The following ZBED6 variants were observed in gnomAD, a reference collection of about 807,000 sequenced individuals.
ZBED6 encodes the protein zinc finger BED domain-containing protein 6.
ZBED6 carries 40 observed loss-of-function variants against 58.4 expected under a neutral mutation model. The observed-to-expected ratio is 0.68, with a 90% CI of 0.53 to 0.89. ZBED6 has a LOEUF of 0.89. Ranked by LOEUF, ZBED6 falls within the 40% of genes least tolerant of loss-of-function variation. The pLI is 0.00. For missense variants in ZBED6, 1,057 were observed against 1,003.9 expected, an observed-to-expected ratio of 1.05 and a Z score of -0.71; for synonymous variants, 439 against 350.6, an observed-to-expected ratio of 1.25 and a Z score of -2.82.
chr1:203,848,081 C>T (rs1172191582), intron 12 of ZBED6, among the ~76,000 whole-genome samples: 1 of 152,128 alleles, frequency 6.6e-6, no homozygotes, highest in East Asian at 1.9e-4. Context: ...GTCTCAAACT[C>T]CTCACCTCAA....
exon 1 of ZBED6, chr1:203,799,521 C>T (rs958860723): frequency 4.3e-6 from 3 of 702,852 alleles, no homozygotes; most frequent in Non-Finnish European, 7.8e-6. Flanking sequence ...CTCAGTTCAC[C>T]ATAGTCTTGG....
At chr1:203,813,351 C>T (rs1048448756) in intron 1 of ZBED6, among the ~76,000 whole-genome samples, 7 of 152,094 alleles carry the variant, frequency 4.6e-5, no homozygotes, top group African/African-American at 1.7e-4. Context: ...GGATCACAGG[C>T]ATTCACCACC....
chr1:203,833,728 T>C (rs1683263522), intron 8 of ZBED6, 63 bp from the exon 9 acceptor site: 14 of 1,429,024 alleles, frequency 9.8e-6, no homozygotes, highest in Non-Finnish European at 1.3e-5. Flanking sequence ...TTGTACCCAT[T>C]AGTAGTTACT....
At chr1:203,850,103 C>G (rs1688907932) in intron 14 of ZBED6, 77 bp downstream of exon 14, 1 of 1,364,812 alleles carries the variant, frequency 7.3e-7, no homozygotes, top group Non-Finnish European at 1.0e-6. Flanking sequence ...CAGTAACTTC[C>G]TGGCAACAAT....
chr1:203,845,223 C>T (rs1687565134), intron 11 of ZBED6, among the ~76,000 whole-genome samples: 1 of 152,072 alleles, frequency 6.6e-6, no homozygotes, highest in Non-Finnish European at 1.5e-5. Flanking sequence ...TTTCTCATTG[C>T]TGGTGTGGAT....
intron 1 of ZBED6, among the ~76,000 whole-genome samples, chr1:203,812,784 G>A (rs1674965965): frequency 6.6e-6 from 1 of 151,972 alleles, no homozygotes; most frequent in Non-Finnish European, 1.5e-5. Context: ...GTCTCACCAT[G>A]TTTGCCAAGC....
intron 11 of ZBED6, 33 bp downstream of exon 11, chr1:203,840,407 T>C: frequency 6.3e-7 from 1 of 1,597,206 alleles, no homozygotes; most frequent in Non-Finnish European, 8.5e-7. Flanking sequence ...TTCTGATTAT[T>C]TTTTTCTTTG....
intron 9 of ZBED6, among the ~76,000 whole-genome samples, chr1:203,837,505 G>GT (rs1050837561): frequency 6.6e-6 from 1 of 150,996 alleles, no homozygotes; most frequent in Non-Finnish European, 1.5e-5. Flanking sequence ...CCAGGCAGGA[G>GT]TGTAGTATTA....
At chr1:203,850,151 T>G in intron 14 of ZBED6, 125 bp downstream of exon 14, 2 of 799,072 alleles carry the variant, frequency 2.5e-6, no homozygotes, top group Non-Finnish European at 4.0e-6. Flanking sequence ...CACAGGTAGA[T>G]AGTAATATTT....
chr1:203,852,088 C>G, intron 16 of ZBED6, 53 bp from the exon 17 acceptor site: 1 of 1,596,028 alleles, frequency 6.3e-7, no homozygotes. Context: ...CTAGGTGATT[C>G]AGCCAACTAT....
intron 1 of ZBED6, among the ~76,000 whole-genome samples, chr1:203,807,491 T>G (rs142915235): frequency 6.6e-6 from 1 of 151,908 alleles, no homozygotes; most frequent in Non-Finnish European, 1.5e-5. Flanking sequence ...GTTTGTAATA[T>G]ATGTGACACA....
Position 203,835,864 on chromosome 1 carries a change from C to T in ZBED6, c.*3573+2011C>T, listed in dbSNP as rs141346701. ...ATGTGCTCCCTTTTTTTCCGGAGACCCCACTTATAGCCAGCAAAAATGCCC... is the reference window on the plus strand; with the variant it reads ...ATGTGCTCCCTTTTTTTCCGGAGACTCCACTTATAGCCAGCAAAAATGCCC... On this transcript the variant is annotated intron_variant, in intron 9 of 16. Coordinates refer to ENST00000550078, the Ensembl canonical transcript of ZBED6. 6.7e-4 allele frequency: 165 copies of T among 245,000 alleles called. 2 individuals carry two copies. In the East Asian group the frequency reaches 0.016, roughly 24 times the overall value. 15.2% of individuals were successfully genotyped at this position (245,000 alleles called of 1,614,324 possible). A position where few individuals can be genotyped will look rare whatever the true frequency, so the allele number is the denominator to read the frequency against.
At chr1:203,800,170 A>C in exon 1 of ZBED6, 1 of 1,532,246 alleles carries the variant, frequency 6.5e-7, no homozygotes, top group Non-Finnish European at 8.7e-7. Context: ...GGAGGTGATG[A>C]CCCTTTAATT....
chr1:203,818,189 G>A (rs949639536), intron 2 of ZBED6, among the ~76,000 whole-genome samples: 3 of 152,030 alleles, frequency 2.0e-5, no homozygotes, highest in African/African-American at 7.2e-5. Context: ...TTGTATATAT[G>A]TTAATTATAT....
intron 11 of ZBED6, among the ~76,000 whole-genome samples, chr1:203,842,825 A>C (rs1204494531): frequency 6.6e-6 from 1 of 151,518 alleles, no homozygotes; most frequent in African/African-American, 2.4e-5. Context: ...CTGTGTTATA[A>C]TTTTTAAATT....
chr1:203,829,773 T>G lies in ZBED6; in HGVS notation c.*3202-7T>G, dbSNP rs745347199. On this transcript the variant is annotated splice_region_variant and splice_polypyrimidine_tract_variant and intron_variant, in intron 5 of 16. Transcript: ENST00000550078. ...ATTGTGAATTTGCCTTAAATGTTGA[T>G]ATATAGATCAGTTTTCTGAGGAAGG... is the stretch of plus-strand genomic sequence containing the variant. The G allele has an allele frequency of 6.2e-7, 1 of 1,613,876 alleles. No individual in the cohort carries two copies. The highest frequency in any genetic ancestry group is 1.3e-5 in the African/African-American group (1 of 75,046).
intron 3 of ZBED6, among the ~76,000 whole-genome samples, chr1:203,818,938 A>G (rs1176203635): frequency 1.3e-5 from 2 of 151,356 alleles, no homozygotes; most frequent in Non-Finnish European, 2.9e-5. Context: ...GTGTGGTGGC[A>G]TGTGCCTGTA....
intron 15 of ZBED6, 61 bp downstream of exon 15, chr1:203,850,742 A>G (rs1689059860): frequency 2.6e-6 from 4 of 1,565,672 alleles, no homozygotes; most frequent in Non-Finnish European, 3.5e-6. Context: ...AGGAAAGACT[A>G]ACTCTCCACT....
chr1:203,852,271 G>A, exon 17 of ZBED6: 1 of 1,613,678 alleles, frequency 6.2e-7, no homozygotes, highest in Non-Finnish European at 8.5e-7. Context: ...CCCACTCTCT[G>A]TGGAGGATGA....
Sources: gnomAD v4.1 joint callset for allele counts (sites outside exome capture counted in the v4.1 genomes callset) on GRCh38, gnomAD v4.1.1 for gene constraint, MANE v1.5 for transcripts, NCBI Gene and HGNC (gene_info 2026-07-23, HGNC 2026-07-21) for gene names.